Variants in ZFHX3 observed in about 807,000 individuals in gnomAD.
ZFHX3 encodes the protein zinc finger homeobox 3, also known as zinc finger homeobox protein 3.
In ZFHX3, 42 loss-of-function variants were observed where a neutral mutation model predicts 279.1. The observed-to-expected ratio is 0.15, with a 90% CI of 0.12 to 0.19. The LOEUF (loss-of-function observed/expected upper bound fraction) is 0.19. ZFHX3 is among the 10% of genes least tolerant of loss of function. The pLI is 1.00. For synonymous variants in ZFHX3, 2,293 were observed against 1,957.8 expected, an observed-to-expected ratio of 1.17 and a Z score of -4.52; for missense variants, 4,981 against 4,754.0, an observed-to-expected ratio of 1.05 and a Z score of -1.40.
intron 7 of ZFHX3, among the ~76,000 whole-genome samples, chr16:73,123,765 T>A (rs1966527838): frequency 6.6e-6 from 1 of 152,050 alleles, no homozygotes; most frequent in Admixed American, 6.6e-5. Flanking sequence ...CTTTGGGAAG[T>A]GATTAGGTTA....
At position 72,785,040 on chromosome 16, in the gene ZFHX3, A is replaced by AGTC. The variant is rs2035300590; in HGVS notation, c.*2121_*2123dup. The AGTC allele has an allele frequency of 6.6e-6, 1 of 152,586 alleles. No homozygotes were observed. The highest frequency in any genetic ancestry group is 1.5e-5 in the Non-Finnish European group (1 of 68,048). The allele number at this position is 152,586 out of a possible 1,614,324, so 9.5% of individuals were successfully genotyped here. ...GGTGACCAATGGAACCTGTATTCAC[A>AGTC]GTCTTCAAAGTTCCCTTTTGAAACA... On this transcript the variant is annotated 3_prime_UTR_variant, in exon 10 of 10. Coordinates refer to ENST00000268489, the MANE Select transcript of ZFHX3 (RefSeq NM_006885.4).
intron 2 of ZFHX3, among the ~76,000 whole-genome samples, chr16:73,524,957 T>C (rs2019666957): frequency 6.6e-6 from 1 of 152,070 alleles, no homozygotes; most frequent in South Asian, 2.1e-4. Flanking sequence ...AGCTAAACAC[T>C]CTACACAACA....
chr16:73,224,961 T>C (rs889255368), intron 5 of ZFHX3, among the ~76,000 whole-genome samples: 23 of 152,178 alleles, frequency 1.5e-4, no homozygotes, highest in African/African-American at 5.6e-4. Flanking sequence ...ATCACCTTCA[T>C]GATTTTGCCC....
At chr16:73,474,609 C>T (rs1011622912) in intron 2 of ZFHX3, among the ~76,000 whole-genome samples, 5 of 152,208 alleles carry the variant, frequency 3.3e-5, no homozygotes, top group Non-Finnish European at 7.3e-5. Context: ...AACCTGGCAT[C>T]AGCCCCCTGA....
chr16:73,649,312 G>T (rs1203343867), intron 2 of ZFHX3, among the ~76,000 whole-genome samples: 1 of 152,118 alleles, frequency 6.6e-6, no homozygotes, highest in Non-Finnish European at 1.5e-5. Context: ...TTGGTTTCTG[G>T]CTTTGGTCTC....
intron 8 of ZFHX3, 141 bp from the exon 9 acceptor site, chr16:72,798,855 T>C: frequency 7.2e-7 from 1 of 1,393,498 alleles, no homozygotes; most frequent in South Asian, 1.7e-5. Flanking sequence ...AATGACAGAA[T>C]CTCTGCGGAG....
At chr16:73,463,701 C>T (rs558631642) in intron 2 of ZFHX3, among the ~76,000 whole-genome samples, 6 of 152,266 alleles carry the variant, frequency 3.9e-5, no homozygotes, top group South Asian at 2.1e-4. Flanking sequence ...GTGTGTTCTT[C>T]CAGATTCGCT....
intron 5 of ZFHX3, among the ~76,000 whole-genome samples, chr16:73,171,243 G>A: frequency 6.6e-6 from 1 of 152,096 alleles, no homozygotes; most frequent in East Asian, 1.9e-4. Context: ...GGACGCTTTT[G>A]AGAGTGAAAA....
At position 73,429,281 on chromosome 16, in the gene ZFHX3, C is replaced by T. The variant is rs114945419; in HGVS notation, c.-1291+26722G>A. On this transcript the variant is annotated intron_variant, in intron 3 of 17. Coordinates refer to the ZFHX3 transcript ENST00000641206. ...CAGCCTTCCCCCATGCCCAAGGGGA[C>T]AGCTGCTACTCACCTCCTATCAAAT... Among the ~76,000 whole-genome samples the T allele has an allele frequency of 5.9e-3, 901 of 152,240 alleles. 9 individuals carry two copies. The highest frequency in any genetic ancestry group is 0.021 in the African/African-American group (856 of 41,520).
intron 5 of ZFHX3, among the ~76,000 whole-genome samples, chr16:73,146,654 T>A (rs1966864845): frequency 6.6e-6 from 1 of 152,094 alleles, no homozygotes; most frequent in African/African-American, 2.4e-5. Context: ...TTCTTTTTAT[T>A]TTTTAATTAA....
At chr16:73,541,889 C>T (rs970135448) in intron 2 of ZFHX3, among the ~76,000 whole-genome samples, 1 of 148,244 alleles carries the variant, frequency 6.7e-6, no homozygotes, top group Non-Finnish European at 1.5e-5. Context: ...GCAACCTCTG[C>T]CTCCTGGGTT....
chr16:73,413,512 A>G (rs937058008), intron 3 of ZFHX3, among the ~76,000 whole-genome samples: 3 of 152,226 alleles, frequency 2.0e-5, no homozygotes, highest in African/African-American at 7.2e-5. Context: ...ATGTGGAAAC[A>G]GCACTTAGAA....
At chr16:73,730,721 G>A (rs907599763) in intron 1 of ZFHX3, among the ~76,000 whole-genome samples, 5 of 152,224 alleles carry the variant, frequency 3.3e-5, no homozygotes, top group Admixed American at 2.6e-4. Flanking sequence ...ACTTGAAAGC[G>A]TGATATTTCC....
chr16:73,857,918 C>A (rs1211880480), intron 1 of ZFHX3, among the ~76,000 whole-genome samples: 1 of 151,954 alleles, frequency 6.6e-6, no homozygotes, highest in Non-Finnish European at 1.5e-5. Context: ...ACCAGCCTGG[C>A]CAACATGGTG....
At chr16:73,049,374 T>G (rs557481393), upstream of ZFHX3, among the ~76,000 whole-genome samples, 2 of 152,302 alleles carry the variant, frequency 1.3e-5, no homozygotes, top group South Asian at 4.2e-4. Flanking sequence ...AATCAGCTCA[T>G]GAGGCGAAGA....
chr16:73,770,428 C>T (rs1187951769), intron 1 of ZFHX3, among the ~76,000 whole-genome samples: 1 of 152,200 alleles, frequency 6.6e-6, no homozygotes, highest in Non-Finnish European at 1.5e-5. Flanking sequence ...AAATCATAAA[C>T]TTGTATTGCC....
At chr16:73,150,655 C>T (rs1966918366) in intron 5 of ZFHX3, among the ~76,000 whole-genome samples, 1 of 152,064 alleles carries the variant, frequency 6.6e-6, no homozygotes. Flanking sequence ...ATAATGTAAA[C>T]TAAAAGAGTA....
intron 1 of ZFHX3, among the ~76,000 whole-genome samples, chr16:73,881,811 T>C (rs938659110): frequency 3.9e-5 from 6 of 151,956 alleles, no homozygotes; most frequent in Non-Finnish European, 5.9e-5. Flanking sequence ...AGAGTGTGTA[T>C]CTAAAGGATT....
intron 7 of ZFHX3, among the ~76,000 whole-genome samples, chr16:72,802,694 G>A (rs62051556): frequency 0.2 from 30,610 of 152,164 alleles, 4,095 homozygotes; most frequent in Non-Finnish European, 0.31. Flanking sequence ...AACAGAGGTT[G>A]AGAATGGAAG....
Sources: gnomAD v4.1 joint callset for allele counts (sites outside exome capture counted in the v4.1 genomes callset) on GRCh38, gnomAD v4.1.1 for gene constraint, MANE v1.5 for transcripts, NCBI Gene and HGNC (gene_info 2026-07-23, HGNC 2026-07-21) for gene names.